ZNF83: variants seen among roughly 807,000 people sequenced by gnomAD.
ZNF83 encodes zinc finger protein 83.
For missense variants in ZNF83, 552 were observed against 629.9 expected (o/e 0.88, Z 1.32); for synonymous variants, 209 against 213.0 (o/e 0.98, Z 0.17).
chr19:52,633,437 G>A (rs1169966491), intron 2 of ZNF83, among the ~76,000 whole-genome samples: 1 of 152,006 alleles, frequency 6.6e-6, no homozygotes, highest in East Asian at 1.9e-4. Context: ...TTTTCCTAAA[G>A]TCTCATAATG....
chr19:52,632,122 T>C (rs8112866), intron 2 of ZNF83, among the ~76,000 whole-genome samples: 28,124 of 145,368 alleles, frequency 0.19, 4,191 homozygotes, highest in African/African-American at 0.42. Flanking sequence ...TTTCTTCCCT[T>C]CTGTCAGACA....
chr19:52,624,268 A>G (rs2060655184), intron 2 of ZNF83, among the ~76,000 whole-genome samples: 1 of 152,130 alleles, frequency 6.6e-6, no homozygotes, highest in Non-Finnish European at 1.5e-5. Flanking sequence ...TTTATTCTCC[A>G]AAGGATATCA....
chr19:52,632,269 A>C (rs1382811389), intron 2 of ZNF83, among the ~76,000 whole-genome samples: 1 of 152,196 alleles, frequency 6.6e-6, no homozygotes, highest in African/African-American at 2.4e-5. Context: ...GAAAAGTAGA[A>C]CGGACTAAAA....
chr19:52,657,994 G>T (rs1284339434), intron 2 of ZNF83, among the ~76,000 whole-genome samples: 11 of 151,804 alleles, frequency 7.2e-5, no homozygotes, highest in African/African-American at 2.4e-4. Context: ...AAATTAGCCG[G>T]GTATGGTGAT....
intron 3 of ZNF83, among the ~76,000 whole-genome samples, chr19:52,647,781 A>T (rs541073203): frequency 3.6e-4 from 54 of 150,600 alleles, no homozygotes; most frequent in African/African-American, 1.2e-3. Context: ...GAACTTATAT[A>T]ACCTCTTGTT....
At chr19:52,670,587 G>A (rs1030968230) in intron 1 of ZNF83, among the ~76,000 whole-genome samples, 2 of 152,156 alleles carry the variant, frequency 1.3e-5, no homozygotes, top group Admixed American at 6.6e-5. Flanking sequence ...TCATGGAAAA[G>A]AGTCAAACTC....
intron 1 of ZNF83, among the ~76,000 whole-genome samples, chr19:52,674,634 A>T (rs1173172522): frequency 2.6e-5 from 4 of 152,206 alleles, no homozygotes; most frequent in Admixed American, 2.6e-4. Flanking sequence ...ACAGTAAAAA[A>T]TTTTAAAAGG....
chr19:52,678,324 C>A (rs536281432), intron 1 of ZNF83, among the ~76,000 whole-genome samples: 11 of 151,216 alleles, frequency 7.3e-5, no homozygotes, highest in African/African-American at 2.7e-4. Flanking sequence ...GTGGCAGGCG[C>A]CTATAATCCC....
intron 1 of ZNF83, among the ~76,000 whole-genome samples, chr19:52,637,456 T>C (rs1456242331): frequency 6.6e-6 from 1 of 152,190 alleles, no homozygotes; most frequent in Non-Finnish European, 1.5e-5. Flanking sequence ...CTCCCTACCT[T>C]GCTGTCCTTC....
intron 3 of ZNF83, among the ~76,000 whole-genome samples, chr19:52,645,422 G>A (rs1318788296): frequency 3.2e-4 from 49 of 152,038 alleles, no homozygotes; most frequent in Non-Finnish European, 4.4e-5. Flanking sequence ...AAACATACAT[G>A]TACAGAAAAA....
upstream of ZNF83, among the ~76,000 whole-genome samples, chr19:52,639,419 T>TTTTC (rs1568556734): frequency 2.9e-5 from 4 of 137,682 alleles, no homozygotes; most frequent in Admixed American, 7.4e-5. Flanking sequence ...TTTTCTATTT[T>TTTTC]TTTTTTTTTT....
Position 52,623,820 on chromosome 19 carries a change from C to G in ZNF83, c.-233-9023G>C, listed in dbSNP as rs73061475. Among the ~76,000 whole-genome samples the G allele has an allele frequency of 5.4e-3, 820 of 152,284 alleles. 5 individuals are homozygous for G. The highest frequency in any genetic ancestry group is 7.6e-3 in the Non-Finnish European group (515 of 68,026). On this transcript the variant is annotated intron_variant, in intron 2 of 2. Coordinates refer to ENST00000301096, the Ensembl canonical transcript of ZNF83. ...GTCTAAAAACTCCTTATGATTCCCC[C>G]ATTTTAAGTGTCCAAAAGCTGGACG...
At chr19:52,653,393 A>T in intron 3 of ZNF83, 1 of 961,708 alleles carries the variant, frequency 1.0e-6, no homozygotes, top group South Asian at 1.3e-5. Flanking sequence ...CATTCATTAC[A>T]TGTGTAAGGT....
chr19:52,679,620 A>G (rs1166321129), intron 1 of ZNF83, among the ~76,000 whole-genome samples: 2 of 152,176 alleles, frequency 1.3e-5, no homozygotes, highest in African/African-American at 2.4e-5. Context: ...CAAAAAATAA[A>G]TAAATAAAAG....
intron 2 of ZNF83, among the ~76,000 whole-genome samples, chr19:52,627,369 A>AG (rs1249324600): frequency 6.6e-6 from 1 of 151,870 alleles, no homozygotes; most frequent in African/African-American, 2.4e-5. Flanking sequence ...TAAAAAAGAA[A>AG]AACTATTGGG....
chr19:52,639,075 A>G (rs188688167), upstream of ZNF83, among the ~76,000 whole-genome samples: 1 of 152,128 alleles, frequency 6.6e-6, no homozygotes, highest in Non-Finnish European at 1.5e-5. Context: ...TAGTTGTCCC[A>G]GCGTATTTGT....
upstream of ZNF83, among the ~76,000 whole-genome samples, chr19:52,639,387 A>G (rs112016480): frequency 1.3e-3 from 102 of 79,518 alleles, 2 homozygotes; most frequent in African/African-American, 4.9e-3. Context: ...CGCCCGGCTT[A>G]TTTTCTTTTA....
intron 2 of ZNF83, among the ~76,000 whole-genome samples, chr19:52,627,653 C>CTAAA (rs1040746091): frequency 2.0e-5 from 3 of 152,006 alleles, no homozygotes; most frequent in South Asian, 2.1e-4. Context: ...TCAGTCTCAA[C>CTAAA]TAAATAAATA....
intron 1 of ZNF83, among the ~76,000 whole-genome samples, chr19:52,684,672 G>A (rs1310104306): frequency 6.6e-6 from 1 of 152,130 alleles, no homozygotes; most frequent in East Asian, 1.9e-4. Flanking sequence ...TGGGTGGGAG[G>A]GCATGGGAGA....
Sources: gnomAD v4.1 joint callset for allele counts (sites outside exome capture counted in the v4.1 genomes callset) on GRCh38, gnomAD v4.1.1 for gene constraint, MANE v1.5 for transcripts, NCBI Gene and HGNC (gene_info 2026-07-23, HGNC 2026-07-21) for gene names.